PHACTR2: variants seen among roughly 807,000 people sequenced by gnomAD.
PHACTR2 encodes phosphatase and actin regulator 2, also known as chromosome 6 open reading frame 56.
In PHACTR2, 30 loss-of-function variants were observed where a neutral mutation model predicts 76.0. The observed-to-expected ratio is 0.39, with a 90% CI of 0.30 to 0.54. The LOEUF (loss-of-function observed/expected upper bound fraction) is 0.54, where lower values mean the gene tolerates loss of function less well. Among genes scored for constraint, PHACTR2 ranks in the 20% least tolerant of loss-of-function variants. The pLI, the probability that PHACTR2 is intolerant of heterozygous loss-of-function variation, is 0.61. For synonymous variants in PHACTR2, 292 were observed against 292.5 expected (o/e 1.00, Z 0.02); for missense variants, 696 against 781.1 (o/e 0.89, Z 1.30).
Position 143,760,254 on chromosome 6 carries a change from A to T in PHACTR2, c.455-147A>T, listed in dbSNP as rs1438148335. 1.5e-6 allele frequency: 1 copy of T among 681,980 alleles called. No homozygotes were observed. The highest frequency in any genetic ancestry group is 2.5e-6 in the Non-Finnish European group (1 of 406,684). 42.2% of individuals were successfully genotyped at this position (681,980 alleles called of 1,614,324 possible). A position where few individuals can be genotyped will look rare whatever the true frequency, so the allele number is the denominator to read the frequency against. ...TCTTTCAGCCTTTGTTTTCACCCTA[A>T]ACTGTGCTCTGTCTGGTGCAGAACT... is the stretch of plus-strand genomic sequence containing the variant. On this transcript the variant is annotated intron_variant, in intron 4 of 12. Coordinates refer to ENST00000440869, the MANE Select transcript of PHACTR2 (RefSeq NM_001100164.2). The surrounding 1 kb of genome is among the most constrained non-coding windows in gnomAD (Gnocchi z 6.4).
At chr6:143,720,920 C>T (rs906221033) in intron 2 of PHACTR2, among the ~76,000 whole-genome samples, 1 of 152,208 alleles carries the variant, frequency 6.6e-6, no homozygotes, top group African/African-American at 2.4e-5. Context: ...CCTTGGTTGT[C>T]AATCTTGATA....
intron 2 of PHACTR2, among the ~76,000 whole-genome samples, chr6:143,714,169 G>T (rs1778248041): frequency 6.6e-6 from 1 of 152,114 alleles, no homozygotes. Flanking sequence ...TATGATCAGG[G>T]CCATTTGCTG....
upstream of PHACTR2, among the ~76,000 whole-genome samples, chr6:143,604,916 A>G (rs528581529): frequency 2.0e-5 from 3 of 151,970 alleles, no homozygotes; most frequent in African/African-American, 7.2e-5. Flanking sequence ...GAAAAAAAAG[A>G]AAAGCAAGCA....
rs9373395 is a variant in PHACTR2 at position 143,618,975 on chromosome 6, A to G, written c.13+10653A>G. Reference sequence around the variant, plus strand: ...GTGTTCCATAAGCAGGCAAATGAATACACTAGCTGAAATCAAGCCTGAGCT... The same window carrying G: ...GTGTTCCATAAGCAGGCAAATGAATGCACTAGCTGAAATCAAGCCTGAGCT... On this transcript the variant is annotated intron_variant, in intron 1 of 11. Coordinates refer to the PHACTR2 transcript ENST00000305766. The surrounding 1 kb of genome is among the most constrained non-coding windows in gnomAD (Gnocchi z 5.2). 0.12 allele frequency among the ~76,000 whole-genome samples: 17,709 copies of G among 152,090 alleles called. 1,339 individuals are homozygous for G. Among genetic ancestry groups the G allele is most frequent in the East Asian group, 0.27 (1,401 of 5,158 alleles).
At chr6:143,593,859 G>A (rs1775720489) in intron 1 of PHACTR2, among the ~76,000 whole-genome samples, 1 of 152,180 alleles carries the variant, frequency 6.6e-6, no homozygotes, top group Non-Finnish European at 1.5e-5. Context: ...CAAGTTCTAT[G>A]ATAATAGCAA....
chr6:143,724,926 G>A (rs1215352125), intron 2 of PHACTR2, among the ~76,000 whole-genome samples: 1 of 152,190 alleles, frequency 6.6e-6, no homozygotes, highest in Non-Finnish European at 1.5e-5. Context: ...ATTCTTCTTA[G>A]AAATAGCTGT....
At chr6:143,542,033 C>T (rs1320698488) in intron 1 of PHACTR2, among the ~76,000 whole-genome samples, 2 of 152,170 alleles carry the variant, frequency 1.3e-5, no homozygotes, top group African/African-American at 4.8e-5. Context: ...GGTTTTTTTC[C>T]AAACAAAGAC....
chr6:143,665,627 T>C (rs530449993), intron 1 of PHACTR2, among the ~76,000 whole-genome samples: 2 of 152,330 alleles, frequency 1.3e-5, no homozygotes, highest in Admixed American at 6.5e-5. Flanking sequence ...GTTTTCAAAA[T>C]GAACCCAGAA....
intron 1 of PHACTR2, among the ~76,000 whole-genome samples, chr6:143,590,610 A>C (rs567094961): frequency 6.6e-6 from 1 of 151,832 alleles, no homozygotes; most frequent in Admixed American, 6.6e-5. Context: ...AAAGGAAGAA[A>C]ACACCAAATG....
rs1301925937 is a variant in PHACTR2 at position 143,787,176 on chromosome 6, G to C, written c.1708-1597G>C. 6.6e-6 allele frequency among the ~76,000 whole-genome samples: 1 copy of C among 152,182 alleles called. No individual in the cohort carries two copies. Among genetic ancestry groups the C allele is most frequent in the Non-Finnish European group, 1.5e-5 (1 of 68,034 alleles). On this transcript the variant is annotated intron_variant, in intron 10 of 12. Transcript: ENST00000440869. This position sits in a 1 kb window ranked among gnomAD's most constrained non-coding sequence, Gnocchi z 4.6. The stretch of plus-strand genomic sequence containing the variant: ...CCACCATACATAGCTCCATGCCGTA[G>C]GTGCAGGTCAGCCCGTAGCACTGGT...
chr6:143,644,521 A>T (rs1776624037), intron 1 of PHACTR2, among the ~76,000 whole-genome samples: 1 of 150,462 alleles, frequency 6.6e-6, no homozygotes, highest in African/African-American at 2.4e-5. Context: ...TATCACAGTT[A>T]GACTCAAATG....
At position 143,754,897 on chromosome 6, in the gene PHACTR2, T is replaced by A. The variant is rs1779266587; in HGVS notation, c.454+985T>A. Among the ~76,000 whole-genome samples the A allele has an allele frequency of 6.6e-6, 1 of 152,236 alleles. No individual in the cohort carries two copies. Among genetic ancestry groups the A allele is most frequent in the Non-Finnish European group, 1.5e-5 (1 of 68,042 alleles). ...CTTAGAAACTGATGAAAGTGAATTC[T>A]CTTCCTCTGTTCTTGACCCAGATCC... On this transcript the variant is annotated intron_variant, in intron 4 of 12. Transcript: ENST00000440869. This position sits in a 1 kb window ranked among gnomAD's most constrained non-coding sequence, Gnocchi z 6.2.
chr6:143,600,878 A>G (rs1484816885), intron 1 of PHACTR2, among the ~76,000 whole-genome samples: 1 of 152,268 alleles, frequency 6.6e-6, no homozygotes, highest in Admixed American at 6.5e-5. Context: ...ATAAGATTCT[A>G]TAAAAAGAAG....
intron 1 of PHACTR2, among the ~76,000 whole-genome samples, chr6:143,707,234 G>T (rs1043558281): frequency 2.0e-5 from 3 of 152,174 alleles, no homozygotes; most frequent in African/African-American, 7.2e-5. Flanking sequence ...GATATCCTTA[G>T]TGTTTTAACT....
At chr6:143,741,489 T>G (rs768930422) in intron 2 of PHACTR2, among the ~76,000 whole-genome samples, 7 of 152,144 alleles carry the variant, frequency 4.6e-5, no homozygotes, top group Non-Finnish European at 1.0e-4. Context: ...TGAGATTCCA[T>G]CTGAAAACAA....
At chr6:143,579,336 G>T (rs1331224357) in intron 1 of PHACTR2, among the ~76,000 whole-genome samples, 1 of 152,134 alleles carries the variant, frequency 6.6e-6, no homozygotes, top group Non-Finnish European at 1.5e-5. Context: ...TTTGCATAAA[G>T]GAGACTTATG....
Position 143,801,369 on chromosome 6 carries a change from C to G in PHACTR2, c.1846-5688C>G, listed in dbSNP as rs777280184. ...TAGATTTGGTCTTTTCACATAGTCT[C>G]ATATTTATTGGAGGCTTTGTTCATT... On this transcript the variant is annotated intron_variant, in intron 11 of 12. Coordinates refer to ENST00000440869, the MANE Select transcript of PHACTR2 (RefSeq NM_001100164.2). The surrounding 1 kb of genome is among the most constrained non-coding windows in gnomAD (Gnocchi z 4.6). 2.6e-5 allele frequency among the ~76,000 whole-genome samples: 4 copies of G among 152,174 alleles called. No homozygotes were observed. In the East Asian group the frequency reaches 7.7e-4, roughly 29 times the overall value.
At chr6:143,706,419 TTATC>T (rs1262686755) in intron 1 of PHACTR2, among the ~76,000 whole-genome samples, 9 of 152,200 alleles carry the variant, frequency 5.9e-5, no homozygotes, top group Admixed American at 5.2e-4. Flanking sequence ...ATTCATTTAC[TTATC>T]TATCTGTCTA....
At chr6:143,600,179 A>T (rs1156749527) in intron 1 of PHACTR2, among the ~76,000 whole-genome samples, 1 of 152,232 alleles carries the variant, frequency 6.6e-6, no homozygotes, top group Non-Finnish European at 1.5e-5. Context: ...GGTACCCATC[A>T]TATTTCCAAC....
Sources: gnomAD v4.1 joint callset for allele counts (sites outside exome capture counted in the v4.1 genomes callset) on GRCh38, gnomAD v4.1.1 for gene constraint, Gnocchi (gnomAD v3.1) non-coding constraint, MANE v1.5 for transcripts, NCBI Gene and HGNC (gene_info 2026-07-23, HGNC 2026-07-21) for gene names.